The following DPP6 variants were observed in gnomAD, a reference collection of about 807,000 sequenced individuals.
DPP6 encodes dipeptidyl peptidase like 6.
Under a neutral mutation model 122.6 loss-of-function variants are expected in DPP6, and 69 were observed. The ratio of observed to expected loss-of-function variants is 0.56; its 90% CI spans 0.46 to 0.69. DPP6 has a LOEUF of 0.69. Among genes scored for constraint, DPP6 ranks in the 30% least tolerant of loss-of-function variants. The probability of loss-of-function intolerance (pLI) is 0.00; values close to 1 mark genes in which losing one functional copy is unlikely to be tolerated. For synonymous variants in DPP6, 418 were observed against 433.1 expected (o/e 0.97, Z 0.43); for missense variants, 928 against 1,116.9 (o/e 0.83, Z 2.41).
In DPP6 at chr7:154,702,856, T is replaced by C. The variant is rs1586919739; in HGVS notation, c.763-24911T>C. Among the ~76,000 whole-genome samples, 5 of 152,358 alleles carry C rather than the reference T, an allele frequency of 3.3e-5. No homozygotes were observed. The South Asian group carries it at 1.0e-3, about 32-fold the overall frequency. ...TTTAGTGAAGACAAAACAGCCTTCT[T>C]CTGGAAGATGATGCCATCTAGGACT... On this transcript the variant is annotated intron_variant, in intron 7 of 25. Transcript: ENST00000377770.
At chr7:153,788,064 A>C in the DPP6 span, among the ~76,000 whole-genome samples, 2 of 152,194 alleles carry the variant, frequency 1.3e-5, no homozygotes, top group Admixed American at 6.5e-5. Flanking sequence ...GGAAAGAGAA[A>C]TTCTAAGTTC....
chr7:154,104,016 G>A (rs1030152199), intron 1 of DPP6, among the ~76,000 whole-genome samples: 1 of 152,210 alleles, frequency 6.6e-6, no homozygotes, highest in African/African-American at 2.4e-5. Flanking sequence ...GTGAGCATGT[G>A]AGACAATTCT....
intron 1 of DPP6, among the ~76,000 whole-genome samples, chr7:154,077,497 A>C (rs1446757510): frequency 6.6e-6 from 1 of 152,130 alleles, no homozygotes; most frequent in Non-Finnish European, 1.5e-5. Flanking sequence ...CTCACCGTGC[A>C]GGATCTCTAC....
intron 1 of DPP6, among the ~76,000 whole-genome samples, chr7:153,964,506 A>G (rs1324000166): frequency 6.6e-6 from 1 of 152,104 alleles, no homozygotes; most frequent in African/African-American, 2.4e-5. Context: ...CTGGGATGCC[A>G]GTGTTTCCAC....
intron 3 of DPP6, among the ~76,000 whole-genome samples, chr7:154,525,935 G>A (rs1827374478): frequency 6.6e-6 from 1 of 152,110 alleles, no homozygotes; most frequent in Non-Finnish European, 1.5e-5. Context: ...CTAAAGGGCT[G>A]TGTGCAGTTC....
intron 2 of DPP6, among the ~76,000 whole-genome samples, chr7:154,472,374 C>T (rs1361055467): frequency 1.3e-5 from 2 of 152,314 alleles, no homozygotes; most frequent in Admixed American, 6.5e-5. Context: ...AACTTTCTGC[C>T]CTTATGAGCC....
At chr7:154,100,631 G>A (rs542192778) in intron 1 of DPP6, among the ~76,000 whole-genome samples, 1 of 82,072 alleles carries the variant, frequency 1.2e-5, no homozygotes, top group Non-Finnish European at 2.2e-5. Flanking sequence ...CTGGCCTTCC[G>A]AGGCTTCCGC....
At chr7:153,954,786 G>T (rs1407425413) in intron 1 of DPP6, among the ~76,000 whole-genome samples, 1 of 152,142 alleles carries the variant, frequency 6.6e-6, no homozygotes, top group Non-Finnish European at 1.5e-5. Flanking sequence ...CAACCTGTTG[G>T]TCTCTCCCAT....
At chr7:154,373,626 G>C (rs144366236) in intron 1 of DPP6, among the ~76,000 whole-genome samples, 79 of 152,274 alleles carry the variant, frequency 5.2e-4, no homozygotes, top group African/African-American at 1.8e-3. Flanking sequence ...TGTTGTTGTA[G>C]TAGAGCATGC....
chr7:154,365,991 G>T (rs1482262742), intron 1 of DPP6, among the ~76,000 whole-genome samples: 1 of 151,804 alleles, frequency 6.6e-6, no homozygotes. Context: ...TGGGGAAGGG[G>T]AAAGGGAGCC....
At chr7:154,472,749 G>T (rs1314062873) in intron 2 of DPP6, among the ~76,000 whole-genome samples, 1 of 152,192 alleles carries the variant, frequency 6.6e-6, no homozygotes, top group Non-Finnish European at 1.5e-5. Flanking sequence ...GTACAGAGAG[G>T]CCAGCAGTGA....
At chr7:153,803,864 T>TACACACATATATATATATACACAC in the DPP6 span, among the ~76,000 whole-genome samples, 1 of 149,850 alleles carries the variant, frequency 6.7e-6, no homozygotes, top group East Asian at 1.9e-4. Context: ...CATATATATA[T>TACACACATATATATATATACACAC]ACACACAAGG....
chr7:154,103,937 C>T (rs1805947724), intron 1 of DPP6, among the ~76,000 whole-genome samples: 1 of 152,162 alleles, frequency 6.6e-6, no homozygotes, highest in East Asian at 1.9e-4. Context: ...GGCTTTTGGA[C>T]TTGGACTGAG....
chr7:154,499,224 A>G (rs898299917), intron 3 of DPP6, among the ~76,000 whole-genome samples: 1 of 152,184 alleles, frequency 6.6e-6, no homozygotes, highest in African/African-American at 2.4e-5. Context: ...AGAAGAAAGG[A>G]GTAAAACAGA....
At chr7:153,887,599 A>G in exon 1 of DPP6, 2 of 1,518,240 alleles carry the variant, frequency 1.3e-6, no homozygotes, top group South Asian at 1.2e-5. Flanking sequence ...GTCTTCAGCC[A>G]GTCCAGTCTA....
rs1214666864 is a variant in DPP6 at position 154,040,000 on chromosome 7, C to T, written c.51+152266C>T. On this transcript the variant is annotated intron_variant, in intron 1 of 25. Coordinates refer to the DPP6 transcript ENST00000404039. ...CTTGCATTTCTGAGCTCCCAGGGCG[C>T]CCCCAAGTGGCGATGTCAAGCTCCA... 2.7e-5 allele frequency among the ~76,000 whole-genome samples: 3 copies of T among 111,626 alleles called. 1 individual carries two copies. Among genetic ancestry groups the T allele is most frequent in the Non-Finnish European group, 5.6e-5 (3 of 53,622 alleles). 73.2% of individuals were successfully genotyped at this position (111,626 alleles called of 152,430 possible).
chr7:153,770,745 A>G, the DPP6 span, among the ~76,000 whole-genome samples: 1 of 152,232 alleles, frequency 6.6e-6, no homozygotes, highest in Non-Finnish European at 1.5e-5. Flanking sequence ...AAAGGTGAAC[A>G]GCATGTAAGA....
chr7:154,313,817 A>G (rs1807184486), intron 1 of DPP6, among the ~76,000 whole-genome samples: 1 of 149,774 alleles, frequency 6.7e-6, no homozygotes, highest in South Asian at 2.2e-4. Context: ...AAGACTCAAT[A>G]TAATTATTAA....
At chr7:154,603,688 T>A (rs954292624) in intron 5 of DPP6, among the ~76,000 whole-genome samples, 3 of 104,506 alleles carry the variant, frequency 2.9e-5, no homozygotes, top group African/African-American at 9.4e-5. Context: ...AAAAAATTAT[T>A]TCAGGCTCTG....
Sources: gnomAD v4.1 joint callset for allele counts (sites outside exome capture counted in the v4.1 genomes callset) on GRCh38, gnomAD v4.1.1 for gene constraint, MANE v1.5 for transcripts, NCBI Gene and HGNC (gene_info 2026-07-23, HGNC 2026-07-21) for gene names.